The following TTC29 variants were observed in gnomAD, a reference collection of about 807,000 sequenced individuals.
TTC29 encodes tetratricopeptide repeat domain 29, also known as tetratricopeptide repeat protein 29.
TTC29 carries 49 observed loss-of-function variants against 58.1 expected under a neutral mutation model. The ratio of observed to expected loss-of-function variants is 0.84; its 90% CI spans 0.67 to 1.07. The LOEUF (loss-of-function observed/expected upper bound fraction) is 1.07, where lower values mean the gene tolerates loss of function less well. TTC29 is among the 50% of genes least tolerant of loss of function. TTC29 has a pLI of 0.00. For missense variants in TTC29, 582 were observed against 555.6 expected, an observed-to-expected ratio of 1.05 and a Z score of -0.48; for synonymous variants, 209 against 196.8, an observed-to-expected ratio of 1.06 and a Z score of -0.52.
chr4:146,860,094 G>GC (rs1730129358), intron 8 of TTC29, among the ~76,000 whole-genome samples: 1 of 152,066 alleles, frequency 6.6e-6, no homozygotes, highest in Non-Finnish European at 1.5e-5. Flanking sequence ...CAAGGTATTT[G>GC]CATATCAGCT....
chr4:146,741,908 T>G (rs900090501), intron 11 of TTC29, among the ~76,000 whole-genome samples: 1 of 152,212 alleles, frequency 6.6e-6, no homozygotes, highest in Admixed American at 6.5e-5. Flanking sequence ...ATTTTAGAAC[T>G]TATCAGATTC....
intron 4 of TTC29, among the ~76,000 whole-genome samples, chr4:146,928,017 A>G (rs749178161): frequency 6.6e-6 from 1 of 152,218 alleles, no homozygotes; most frequent in Non-Finnish European, 1.5e-5. Flanking sequence ...ATACAGTGCT[A>G]TAAGTGCACT....
intron 11 of TTC29, among the ~76,000 whole-genome samples, chr4:146,736,297 T>C (rs1274864310): frequency 1.3e-5 from 2 of 151,886 alleles, no homozygotes; most frequent in African/African-American, 4.8e-5. Flanking sequence ...TTCCTGGAAC[T>C]AGGACAACAA....
intron 4 of TTC29, among the ~76,000 whole-genome samples, chr4:146,919,337 A>G (rs1734435722): frequency 6.6e-6 from 1 of 151,120 alleles, no homozygotes; most frequent in South Asian, 2.1e-4. Context: ...CCCTGGAAAT[A>G]ATCTTAGCTT....
chr4:146,923,864 A>G (rs1187230234), intron 4 of TTC29, among the ~76,000 whole-genome samples: 2 of 151,908 alleles, frequency 1.3e-5, no homozygotes, highest in African/African-American at 4.8e-5. Flanking sequence ...CAAATATAAG[A>G]ATGCATTTCA....
At chr4:146,836,255 C>G (rs1561173199) in intron 8 of TTC29, among the ~76,000 whole-genome samples, 1 of 152,124 alleles carries the variant, frequency 6.6e-6, no homozygotes, top group Non-Finnish European at 1.5e-5. Context: ...GTAAGGACAA[C>G]TGATCTTTTT....
chr4:146,751,249 A>G (rs1236664238), intron 11 of TTC29, among the ~76,000 whole-genome samples: 1 of 152,256 alleles, frequency 6.6e-6, no homozygotes, highest in African/African-American at 2.4e-5. Context: ...AAAAATAGAT[A>G]GCAGTACAAT....
intron 11 of TTC29, among the ~76,000 whole-genome samples, chr4:146,753,871 AGGAAGG>A (rs1023957434): frequency 5.3e-5 from 8 of 150,668 alleles, no homozygotes; most frequent in Admixed American, 3.3e-4. Flanking sequence ...ACATGGACAC[AGGAAGG>A]GGAACATCAC....
intron 11 of TTC29, among the ~76,000 whole-genome samples, chr4:146,779,318 A>C (rs1457231427): frequency 1.3e-5 from 2 of 152,120 alleles, no homozygotes; most frequent in African/African-American, 4.8e-5. Context: ...ATTCCTTCCA[A>C]TTAATTTTCA....
intron 11 of TTC29, among the ~76,000 whole-genome samples, chr4:146,745,663 C>A (rs1745487654): frequency 6.6e-6 from 1 of 152,172 alleles, no homozygotes; most frequent in South Asian, 2.1e-4. Context: ...CTTTAGAAAC[C>A]TCAGTTCTTC....
intron 10 of TTC29, among the ~76,000 whole-genome samples, chr4:146,808,465 T>C (rs1325121764): frequency 6.6e-6 from 1 of 152,192 alleles, no homozygotes; most frequent in African/African-American, 2.4e-5. Flanking sequence ...TGTTTGCAGA[T>C]GACATGATTA....
intron 8 of TTC29, among the ~76,000 whole-genome samples, chr4:146,848,068 T>C (rs966061571): frequency 1.3e-5 from 2 of 152,156 alleles, no homozygotes; most frequent in African/African-American, 4.8e-5. Context: ...GAACTAAATA[T>C]ACAAAATTGT....
intron 11 of TTC29, among the ~76,000 whole-genome samples, chr4:146,797,138 C>T (rs1265994117): frequency 6.6e-6 from 1 of 152,204 alleles, no homozygotes; most frequent in African/African-American, 2.4e-5. Flanking sequence ...AAATATTGAG[C>T]TATGGTGGAC....
chr4:146,898,166 GCAAA>G (rs777418786), intron 6 of TTC29, among the ~76,000 whole-genome samples: 4 of 152,166 alleles, frequency 2.6e-5, no homozygotes, highest in Non-Finnish European at 5.9e-5. Flanking sequence ...CTGACCATCA[GCAAA>G]CAGGGATAAG....
intron 6 of TTC29, among the ~76,000 whole-genome samples, chr4:146,893,252 G>C (rs1732508910): frequency 6.6e-6 from 1 of 152,070 alleles, no homozygotes; most frequent in African/African-American, 2.4e-5. Flanking sequence ...AACAAAGCTG[G>C]AGGCATCATG....
intron 11 of TTC29, among the ~76,000 whole-genome samples, chr4:146,793,561 A>G (rs1749623085): frequency 6.6e-6 from 1 of 152,160 alleles, no homozygotes; most frequent in South Asian, 2.1e-4. Flanking sequence ...CTAAGAAACC[A>G]AATAATTTGT....
At chr4:146,750,708 A>G (rs1745915741) in intron 11 of TTC29, among the ~76,000 whole-genome samples, 1 of 152,020 alleles carries the variant, frequency 6.6e-6, no homozygotes, top group Non-Finnish European at 1.5e-5. Context: ...ATCGCAAAAC[A>G]AAAAACTATA....
chr4:146,835,117 A>T (rs1174445822), intron 8 of TTC29, among the ~76,000 whole-genome samples: 2 of 152,162 alleles, frequency 1.3e-5, no homozygotes, highest in Non-Finnish European at 2.9e-5. Context: ...TTAAAAATGT[A>T]TTCTTTTAGC....
At chr4:146,729,886 A>G (rs1744200481) in intron 11 of TTC29, among the ~76,000 whole-genome samples, 1 of 151,916 alleles carries the variant, frequency 6.6e-6, no homozygotes, top group African/African-American at 2.4e-5. Context: ...CCCTCCCACC[A>G]TGACCCTCCC....
Sources: allele counts gnomAD v4.1 joint callset (sites outside exome capture counted in the v4.1 genomes callset), GRCh38; gene constraint gnomAD v4.1.1; transcripts MANE v1.5; gene names NCBI Gene and HGNC (gene_info 2026-07-23, HGNC 2026-07-21).